The following HIVEP3 variants were observed in gnomAD, a reference collection of about 807,000 sequenced individuals.
HIVEP3 encodes the protein transcription factor HIVEP3.
A neutral mutation model predicts 152.8 loss-of-function variants in HIVEP3; 49 were observed. The ratio of observed to expected loss-of-function variants is 0.32; its 90% CI spans 0.26 to 0.41. The LOEUF is 0.41. Among genes scored for constraint, HIVEP3 ranks in the 10% least tolerant of loss-of-function variants. HIVEP3 has a pLI of 1.00. For missense variants in HIVEP3, 2,790 were observed against 3,103.3 expected (o/e 0.90, Z 2.40); for synonymous variants, 1,269 against 1,289.0 (o/e 0.98, Z 0.33).
chr1:41,973,197 T>C (rs1472302467), intron 1 of HIVEP3, among the ~76,000 whole-genome samples: 3 of 152,204 alleles, frequency 2.0e-5, no homozygotes, highest in Non-Finnish European at 4.4e-5. Flanking sequence ...TATTGCTGAA[T>C]AAGAAATTAC....
intron 1 of HIVEP3, among the ~76,000 whole-genome samples, chr1:41,853,372 C>T (rs1643657956): frequency 6.6e-6 from 1 of 152,094 alleles, no homozygotes; most frequent in Non-Finnish European, 1.5e-5. Flanking sequence ...AGGACATTTA[C>T]AATCATGGTG....
intron 6 of HIVEP3, among the ~76,000 whole-genome samples, chr1:41,524,461 C>T (rs1008079774): frequency 6.6e-5 from 10 of 152,232 alleles, no homozygotes; most frequent in Admixed American, 3.3e-4. Flanking sequence ...GCAAGAGTGC[C>T]GCACCAGGCT....
At chr1:41,532,595 C>A (rs940548945) in intron 5 of HIVEP3, among the ~76,000 whole-genome samples, 1 of 152,084 alleles carries the variant, frequency 6.6e-6, no homozygotes. Flanking sequence ...TCTAGAACAG[C>A]GATTTGAGAT....
intron 2 of HIVEP3, among the ~76,000 whole-genome samples, chr1:41,698,955 G>A (rs1395563892): frequency 1.3e-5 from 2 of 152,190 alleles, no homozygotes; most frequent in African/African-American, 4.8e-5. Flanking sequence ...AGGATCAGAG[G>A]GGTGTCAGGA....
chr1:41,947,583 A>G (rs1428175373), intron 1 of HIVEP3, among the ~76,000 whole-genome samples: 1 of 152,260 alleles, frequency 6.6e-6, no homozygotes, highest in Non-Finnish European at 1.5e-5. Context: ...AGTAAGATGA[A>G]CACTTGAAGC....
intron 1 of HIVEP3, among the ~76,000 whole-genome samples, chr1:41,896,564 T>A (rs1466393526): frequency 6.6e-6 from 1 of 150,380 alleles, no homozygotes; most frequent in Admixed American, 6.6e-5. Context: ...GGCATGCTTT[T>A]TACTTTTCTT....
At chr1:42,021,240 A>G (rs1439938012) in intron 1 of HIVEP3, among the ~76,000 whole-genome samples, 1 of 152,156 alleles carries the variant, frequency 6.6e-6, no homozygotes, top group Non-Finnish European at 1.5e-5. Flanking sequence ...GCTGGCTTGG[A>G]CTATGTTGGG....
chr1:41,618,058 T>C (rs1644994260), intron 3 of HIVEP3, among the ~76,000 whole-genome samples: 2 of 152,078 alleles, frequency 1.3e-5, no homozygotes, highest in South Asian at 2.1e-4. Context: ...TAGAAAGGCG[T>C]AGTGTAAATA....
chr1:41,693,223 G>C (rs1646222414), intron 2 of HIVEP3, among the ~76,000 whole-genome samples: 1 of 152,206 alleles, frequency 6.6e-6, no homozygotes, highest in Admixed American at 6.5e-5. Context: ...GTGAACTACT[G>C]AGTTGAAAGG....
At chr1:41,567,010 C>T (rs1319980925) in intron 5 of HIVEP3, among the ~76,000 whole-genome samples, 1 of 152,182 alleles carries the variant, frequency 6.6e-6, no homozygotes, top group Non-Finnish European at 1.5e-5. Flanking sequence ...CTCTGAGGGC[C>T]AGGCTCATCT....
intron 1 of HIVEP3, among the ~76,000 whole-genome samples, chr1:41,878,271 T>G (rs546071836): frequency 1.3e-5 from 2 of 152,296 alleles, no homozygotes; most frequent in African/African-American, 4.8e-5. Context: ...TTGCGAAACT[T>G]TGCTCTAAAA....
At chr1:41,947,982 C>T (rs776343707) in intron 1 of HIVEP3, among the ~76,000 whole-genome samples, 29 of 152,256 alleles carry the variant, frequency 1.9e-4, no homozygotes, top group Non-Finnish European at 2.6e-4. Flanking sequence ...GCCAGTGCCG[C>T]GACTGCGCAC....
In HIVEP3 at chr1:41,584,798, G is replaced by A; in HGVS notation, c.-1C>T. The A allele has an allele frequency of 6.6e-7, 1 of 1,507,940 alleles. No homozygotes were observed. Among genetic ancestry groups the A allele is most frequent in the Non-Finnish European group, 8.9e-7 (1 of 1,129,134 alleles). 93.4% of individuals were successfully genotyped at this position (1,507,940 alleles called of 1,614,324 possible). ...CCTTGACACTTTGTTCAGGATCCAT[G>A]ACCTTCACAAAGACTTCAGATGCTA... is the stretch of plus-strand genomic sequence containing the variant. On this transcript the variant is annotated 5_prime_UTR_variant, in exon 4 of 9. Transcript: ENST00000372583. This position sits in a 1 kb window ranked among gnomAD's most constrained non-coding sequence, Gnocchi z 5.2.
rs190298677 is a variant in HIVEP3, at chr1:41,555,316, A to G, written c.5207+20228T>C. On this transcript the variant is annotated intron_variant, in intron 5 of 8. Coordinates refer to ENST00000372583, the MANE Select transcript of HIVEP3 (RefSeq NM_024503.5). ...ACCTGCTGAGCCAGGCGCAGAATAT[A>G]ATGTCCTGGTGTGCCGTTTGCTAAG... Among the ~76,000 whole-genome samples the G allele has an allele frequency of 9.1e-4, 138 of 152,330 alleles. No individual in the cohort carries two copies. In the East Asian group the frequency reaches 0.024, roughly 26 times the overall value.
intron 1 of HIVEP3, among the ~76,000 whole-genome samples, chr1:41,946,310 C>T (rs1334807829): frequency 1.3e-5 from 2 of 152,174 alleles, no homozygotes; most frequent in Non-Finnish European, 2.9e-5. Flanking sequence ...TGAGGGTGCC[C>T]GGGGCAAGTG....
intron 3 of HIVEP3, among the ~76,000 whole-genome samples, chr1:41,602,026 A>G (rs985521600): frequency 1.1e-4 from 16 of 151,636 alleles, no homozygotes; most frequent in Non-Finnish European, 2.9e-5. Context: ...CTTTATTCTG[A>G]TAATGTGATG....
chr1:41,555,523 A>G (rs1026211041), intron 5 of HIVEP3, among the ~76,000 whole-genome samples: 6 of 152,130 alleles, frequency 3.9e-5, no homozygotes, highest in Non-Finnish European at 7.3e-5. Flanking sequence ...ACCAGTCCCA[A>G]TGAGATGAAC....
chr1:41,703,039 G>C (rs1646385834), intron 1 of HIVEP3, among the ~76,000 whole-genome samples: 1 of 152,134 alleles, frequency 6.6e-6, no homozygotes, highest in Non-Finnish European at 1.5e-5. Context: ...GTTTCCATCT[G>C]CTACCTCATT....
At chr1:41,962,153 T>C (rs1426096463) in intron 1 of HIVEP3, among the ~76,000 whole-genome samples, 1 of 152,106 alleles carries the variant, frequency 6.6e-6, no homozygotes, top group Admixed American at 6.5e-5. Context: ...AAGCCAGAAA[T>C]ATAGGAAAAT....
Sources: allele counts gnomAD v4.1 joint callset (sites outside exome capture counted in the v4.1 genomes callset), GRCh38; gene constraint gnomAD v4.1.1; non-coding constraint Gnocchi (gnomAD v3.1); transcripts MANE v1.5; gene names NCBI Gene and HGNC (gene_info 2026-07-23, HGNC 2026-07-21).